NRCAM: variants seen among roughly 807,000 people sequenced by gnomAD.
NRCAM encodes the protein NgCAM-related cell adhesion molecule.
Under a neutral mutation model 156.5 loss-of-function variants are expected in NRCAM, and 83 were observed. The observed-to-expected ratio is 0.53, with a 90% CI of 0.44 to 0.64. NRCAM has a LOEUF of 0.64. Among genes scored for constraint, NRCAM ranks in the 30% least tolerant of loss-of-function variants. The pLI, the probability that NRCAM is intolerant of heterozygous loss-of-function variation, is 0.00. For missense variants in NRCAM, 1,417 were observed against 1,597.3 expected, an observed-to-expected ratio of 0.89 and a Z score of 1.92; for synonymous variants, 538 against 563.9, an observed-to-expected ratio of 0.95 and a Z score of 0.65.
rs2039582388 is a variant in NRCAM at position 108,147,794 on chromosome 7, T to C, written c.*2116A>G. 5.2e-5 allele frequency: 8 copies of C among 152,662 alleles called. No individual in the cohort carries two copies. 9.5% of individuals were successfully genotyped at this position (152,662 alleles called of 1,614,324 possible). A position where few individuals can be genotyped will look rare whatever the true frequency, so the allele number is the denominator to read the frequency against. The stretch of plus-strand genomic sequence containing the variant: ...AGAGAGGAACTTTTAAAACCACATT[T>C]AATTTTTAATACCAAATCTGTTGCA... On this transcript the variant is annotated 3_prime_UTR_variant, in exon 33 of 33. Coordinates refer to ENST00000379028, the MANE Select transcript of NRCAM (RefSeq NM_001037132.4).
intron 30 of NRCAM, among the ~76,000 whole-genome samples, chr7:108,166,540 G>A (rs1046284091): frequency 6.6e-6 from 1 of 151,998 alleles, no homozygotes; most frequent in East Asian, 1.9e-4. Context: ...GAGCTACCGC[G>A]CCCGGCCAGA....
chr7:108,362,797 T>C (rs2099567999), intron 2 of NRCAM, among the ~76,000 whole-genome samples: 1 of 152,246 alleles, frequency 6.6e-6, no homozygotes, highest in Non-Finnish European at 1.5e-5. Flanking sequence ...TATGTGTATC[T>C]ACACAGGTTA....
intron 2 of NRCAM, among the ~76,000 whole-genome samples, chr7:108,345,703 T>C (rs550516872): frequency 2.0e-4 from 31 of 152,306 alleles, no homozygotes; most frequent in Admixed American, 7.8e-4. Flanking sequence ...AACAGGGCCT[T>C]CACCAGGAAC....
intron 3 of NRCAM, among the ~76,000 whole-genome samples, chr7:108,276,450 A>T (rs1456622484): frequency 6.6e-6 from 1 of 151,450 alleles, no homozygotes; most frequent in Admixed American, 6.6e-5. Flanking sequence ...AGGATAGTTA[A>T]CTCTTCTTGT....
chr7:108,318,503 T>A (rs2098959327), intron 2 of NRCAM, among the ~76,000 whole-genome samples: 1 of 152,066 alleles, frequency 6.6e-6, no homozygotes, highest in African/African-American at 2.4e-5. Context: ...TTTCTCAAAG[T>A]AATATCAGGA....
At chr7:108,343,304 T>C (rs1187345572) in intron 2 of NRCAM, among the ~76,000 whole-genome samples, 1 of 152,050 alleles carries the variant, frequency 6.6e-6, no homozygotes. Context: ...CATGCAGCAA[T>C]ATGGAGAGAA....
intron 13 of NRCAM, among the ~76,000 whole-genome samples, chr7:108,201,803 T>C (rs1563413988): frequency 1.3e-5 from 2 of 152,224 alleles, no homozygotes; most frequent in Non-Finnish European, 2.9e-5. Flanking sequence ...ATATGCTAAA[T>C]AGAGCAGTCT....
chr7:108,318,683 A>C (rs909425828), intron 2 of NRCAM, among the ~76,000 whole-genome samples: 2 of 152,108 alleles, frequency 1.3e-5, no homozygotes, highest in Non-Finnish European at 2.9e-5. Context: ...GGTGATAAGA[A>C]GGAGAAAACA....
chr7:108,320,020 G>A lies in NRCAM; in HGVS notation c.-173-7289C>T, dbSNP rs112735019. On this transcript the variant is annotated intron_variant, in intron 2 of 32. Transcript: ENST00000379028. ...AATTTAAAAACTACCAACTGAAAAT[G>A]AAGGCAAGAACTACAAGTGAATTCC... 6.5e-4 allele frequency among the ~76,000 whole-genome samples: 99 copies of A among 152,270 alleles called. 1 individual carries two copies. The highest frequency in any genetic ancestry group is 2.4e-3 in the African/African-American group (98 of 41,560).
At chr7:108,415,909 A>C (rs2154425979) in intron 1 of NRCAM, among the ~76,000 whole-genome samples, 1 of 152,302 alleles carries the variant, frequency 6.6e-6, no homozygotes, top group African/African-American at 2.4e-5. Context: ...AACAAAACCA[A>C]AAAGGAGATG....
At chr7:108,265,384 C>T (rs2154018089) in intron 3 of NRCAM, among the ~76,000 whole-genome samples, 1 of 152,280 alleles carries the variant, frequency 6.6e-6, no homozygotes, top group Middle Eastern at 3.4e-3. Context: ...CTCTGTGAGA[C>T]ATAGATGATT....
intron 32 of NRCAM, among the ~76,000 whole-genome samples, chr7:108,152,823 T>C (rs2042558337): frequency 3.3e-5 from 5 of 152,098 alleles, no homozygotes; most frequent in African/African-American, 7.2e-5. Flanking sequence ...AGGAGTGAGA[T>C]GACTGTGACT....
At chr7:108,285,979 T>C (rs1283391557) in intron 3 of NRCAM, among the ~76,000 whole-genome samples, 1 of 152,204 alleles carries the variant, frequency 6.6e-6, no homozygotes, top group East Asian at 1.9e-4. Context: ...GCAAACAGTT[T>C]CTGGAAAGGG....
At chr7:108,430,367 A>G (rs1479904283) in intron 1 of NRCAM, among the ~76,000 whole-genome samples, 1 of 152,168 alleles carries the variant, frequency 6.6e-6, no homozygotes, top group Non-Finnish European at 1.5e-5. Flanking sequence ...TCCGGGATAG[A>G]ACTAGTGGTG....
intron 2 of NRCAM, among the ~76,000 whole-genome samples, chr7:108,385,317 C>T (rs1020023862): frequency 2.0e-5 from 3 of 152,174 alleles, no homozygotes; most frequent in Non-Finnish European, 4.4e-5. Flanking sequence ...TACCTACAGT[C>T]TAATAACACC....
chr7:108,271,024 T>C (rs2154047163), intron 3 of NRCAM, among the ~76,000 whole-genome samples: 1 of 152,318 alleles, frequency 6.6e-6, no homozygotes, highest in Non-Finnish European at 1.5e-5. Flanking sequence ...TTTCAGAATT[T>C]GTCTAGCAGG....
At chr7:108,206,326 G>A (rs994424689) in intron 13 of NRCAM, among the ~76,000 whole-genome samples, 4 of 152,168 alleles carry the variant, frequency 2.6e-5, no homozygotes, top group African/African-American at 7.2e-5. Flanking sequence ...AAGTCAATTC[G>A]GCAGACCTTT....
At chr7:108,409,591 C>T (rs1397409529) in intron 1 of NRCAM, among the ~76,000 whole-genome samples, 1 of 152,244 alleles carries the variant, frequency 6.6e-6, no homozygotes. Context: ...GTCGCTCCTC[C>T]TTCATTCTGA....
chr7:108,397,422 TAC>T (rs2099779957), intron 2 of NRCAM, among the ~76,000 whole-genome samples: 1 of 152,192 alleles, frequency 6.6e-6, no homozygotes, highest in Admixed American at 6.5e-5. Flanking sequence ...TTGAAATTTT[TAC>T]CCCAGACATT....
Sources: gnomAD v4.1 joint callset for allele counts (sites outside exome capture counted in the v4.1 genomes callset) on GRCh38, gnomAD v4.1.1 for gene constraint, MANE v1.5 for transcripts, NCBI Gene and HGNC (gene_info 2026-07-23, HGNC 2026-07-21) for gene names.